ZNF683: variants seen among roughly 807,000 people sequenced by gnomAD.
ZNF683 encodes zinc finger protein 683.
In ZNF683, 20 loss-of-function variants were observed where a neutral mutation model predicts 31.4. That is an observed-to-expected ratio of 0.64 (90% confidence interval 0.45 to 0.93). The LOEUF (loss-of-function observed/expected upper bound fraction) is 0.93, where lower values mean the gene tolerates loss of function less well. ZNF683 is among the 40% of genes least tolerant of loss of function. The pLI is 0.00. For missense variants in ZNF683, 621 were observed against 637.2 expected (o/e 0.97, Z 0.27); for synonymous variants, 264 against 267.6 (o/e 0.99, Z 0.13).
chr1:26,364,448 G>A (rs773422772), intron 4 of ZNF683, 84 bp downstream of exon 4: 1 of 1,509,482 alleles, frequency 6.6e-7, no homozygotes, highest in Non-Finnish European at 9.1e-7. Context: ...TAGCTTTGAG[G>A]TCCTTGCTTC....
chr1:26,364,552 C>G lies in ZNF683; in HGVS notation c.994G>C (p.Gly332Arg). 1.9e-6 allele frequency: 3 copies of G among 1,613,884 alleles called. No individual in the cohort carries two copies. In the South Asian group the frequency reaches 3.3e-5, roughly 18 times the overall value. Residue 332 changes from glycine (G) to arginine (R), a missense_variant, in exon 4 of 6, where the codon GGG becomes CGG. Coordinates refer to ENST00000349618, the MANE Select transcript of ZNF683 (RefSeq NM_001114759.3). ...GATACCTTGAGATTGGAGAGCTGCC[C>G]AAAGCTCTTGCCACATATGTTGCAC... ...YECNICGKSF[G>R]QLSNLKVHLR...
At chr1:26,373,569 C>T (rs982031546), upstream of ZNF683, among the ~76,000 whole-genome samples, 3 of 152,072 alleles carry the variant, frequency 2.0e-5, no homozygotes, top group Admixed American at 1.3e-4. Flanking sequence ...GATATTTGGC[C>T]ATGGTCCTGT....
At chr1:26,364,069 T>G (rs528960443) in intron 4 of ZNF683, among the ~76,000 whole-genome samples, 2 of 152,334 alleles carry the variant, frequency 1.3e-5, no homozygotes, top group South Asian at 2.1e-4. Flanking sequence ...GGGATCCCAC[T>G]TGAAAAAGGT....
At chr1:26,366,342 CA>C (rs1173737722) in intron 3 of ZNF683, among the ~76,000 whole-genome samples, 4,925 of 68,796 alleles carry the variant, frequency 0.072, 62 homozygotes, top group African/African-American at 0.12. Context: ...CAGCCTATCT[CA>C]AAAAAAAAAA....
At position 26,361,845 on chromosome 1, in the gene ZNF683, G is replaced by A. The variant is rs1236205016; in HGVS notation, c.1321C>T (p.Pro441Ser). ...QPCGLVHTQL[P>S]LASLACLAQW... ...GCAAGGCAGGCCAGAGAGGCCAGGG[G>A]CAGCTGGGTGTGCACCAGGCCACAG... Residue 441 changes from proline (P) to serine (S), a missense_variant, in exon 6 of 6, where the codon CCC becomes TCC. Pro to Ser is a moderately conservative substitution (Grantham distance 74). Transcript: ENST00000349618. 8 of 1,614,036 alleles carry A rather than the reference G, an allele frequency of 5.0e-6. No individual in the cohort carries two copies. The highest frequency in any genetic ancestry group is 1.7e-4 in the Middle Eastern group (1 of 6,060).
At position 26,363,063 on chromosome 1, in the gene ZNF683, T is replaced by C. The variant is rs745467219; in HGVS notation, c.1106A>G (p.His369Arg). Reference protein sequence around the residue: ...FTQLAHLQKHHLVHTGERPHK... With the variant: ...FTQLAHLQKHRLVHTGERPHK... ...GGGCCGCTCCCCAGTGTGCACCAGGTGGTGCTTCTGCAGGTGGGCAAGTTG... is the reference window on the plus strand; with the variant it reads ...GGGCCGCTCCCCAGTGTGCACCAGGCGGTGCTTCTGCAGGTGGGCAAGTTG... The change falls in exon 5 of 6, where the codon CAC becomes CGC. Residue 369 changes from histidine to arginine, a missense_variant. Physicochemically the swap from His to Arg is conservative, Grantham distance 29. Coordinates refer to ENST00000349618, the MANE Select transcript of ZNF683 (RefSeq NM_001114759.3). 6.2e-7 allele frequency: 1 copy of C among 1,612,366 alleles called. No homozygotes were observed. The highest frequency in any genetic ancestry group is 2.2e-5 in the East Asian group (1 of 44,840).
intron 4 of ZNF683, among the ~76,000 whole-genome samples, chr1:26,363,724 G>A (rs1422716829): frequency 1.5e-5 from 2 of 133,450 alleles, no homozygotes; most frequent in Non-Finnish European, 3.1e-5. Flanking sequence ...GCGACAGAAT[G>A]AGACTCCATA....
chr1:26,362,245 T>G (rs2124111274), intron 5 of ZNF683: 1 of 1,476,310 alleles, frequency 6.8e-7, no homozygotes, highest in Admixed American at 2.0e-5. Flanking sequence ...TAAAAGTAAC[T>G]TCTCCTCTCT....
intron 4 of ZNF683, 143 bp from the exon 5 acceptor site, chr1:26,363,297 C>G (rs2124122088): frequency 8.7e-7 from 1 of 1,152,788 alleles, no homozygotes. Flanking sequence ...TCTACTCTTT[C>G]TGCTGCCCTG....
upstream of ZNF683, chr1:26,374,459 TG>T: frequency 6.1e-6 from 7 of 1,148,148 alleles, no homozygotes; most frequent in Non-Finnish European, 7.8e-6. Context: ...GGAGGTGGGC[TG>T]AGGACAGACT....
intron 1 of ZNF683, 24 bp downstream of exon 1, chr1:26,372,645 C>T: frequency 7.7e-7 from 1 of 1,303,654 alleles, no homozygotes; most frequent in South Asian, 1.2e-5. Context: ...ACTACTTCCC[C>T]TCTATCCGCA....
At chr1:26,368,334 G>A (rs2074579855) in intron 2 of ZNF683, 124 bp downstream of exon 2, 7 of 1,204,738 alleles carry the variant, frequency 5.8e-6, no homozygotes, top group Non-Finnish European at 4.4e-6. Flanking sequence ...ATGTGCCTGG[G>A]ATAGGGGGTG....
chr1:26,368,753 G>A (rs569351784), intron 1 of ZNF683, among the ~76,000 whole-genome samples, 168 bp from the exon 2 acceptor site: 9 of 152,210 alleles, frequency 5.9e-5, no homozygotes, highest in African/African-American at 1.4e-4. Context: ...TAGTTGATGC[G>A]TAAGGATTCT....
chr1:26,371,386 G>A (rs1437007835), intron 1 of ZNF683, among the ~76,000 whole-genome samples: 1 of 152,016 alleles, frequency 6.6e-6, no homozygotes, highest in Admixed American at 6.6e-5. Context: ...CATCTCTTGA[G>A]CCCAGGAGTT....
At position 26,364,700 on chromosome 1, in the gene ZNF683, G is replaced by A. The variant is rs955970000; in HGVS notation, c.846C>T (p.Asp282=). ...TGCCACCACGCTCCAGGCCTGGGGA[G>A]TCGGTTGGGGCAGCTCCAGCACCTG... ...RNPGAGAAPT[D]SPGLERGGMA... Residue 282 remains aspartate (D), a synonymous_variant, in exon 4 of 6, where the codon GAC becomes GAT. Transcript: ENST00000349618. 2 of 1,613,846 alleles carry A rather than the reference G, an allele frequency of 1.2e-6. No individual in the cohort carries two copies. Among genetic ancestry groups the A allele is most frequent in the African/African-American group, 2.7e-5 (2 of 74,930 alleles).
rs1334567118 is a variant in ZNF683, at chr1:26,368,316, T to C, written c.114+142A>G. 2.9e-6 allele frequency: 3 copies of C among 1,032,706 alleles called. No individual in the cohort carries two copies. In the African/African-American group the frequency reaches 5.0e-5, roughly 17 times the overall value. The allele number at this position is 1,032,706 out of a possible 1,614,324, so 64.0% of individuals were successfully genotyped here. On this transcript the variant is annotated intron_variant, in intron 2 of 5. Coordinates refer to ENST00000349618, the MANE Select transcript of ZNF683 (RefSeq NM_001114759.3). ...GGGTGTCTGGCTCCTCAAAGAAACA[T>C]CCCTATGATGTGCCTGGGATAGGGG...
At chr1:26,370,038 C>T (rs1376814524) in intron 1 of ZNF683, among the ~76,000 whole-genome samples, 1 of 152,080 alleles carries the variant, frequency 6.6e-6, no homozygotes, top group East Asian at 1.9e-4. Flanking sequence ...ATTAGCCAAT[C>T]AGAAGTGAAG....
In ZNF683 at chr1:26,364,814, C is replaced by T. The variant is rs766285862; in HGVS notation, c.732G>A (p.Gly244=). Reference sequence around the variant, plus strand: ...GGGTCTCCCACCGAGCGCTGGGGTGCCCCAGCTCATTGACCATCATCAGCA... The same window carrying T: ...GGGTCTCCCACCGAGCGCTGGGGTGTCCCAGCTCATTGACCATCATCAGCA... ...PSLLMMVNEL[G]HPSARWETLL... Residue 244 remains glycine (G), a synonymous_variant, in exon 4 of 6, where the codon GGG becomes GGA. Coordinates refer to ENST00000349618, the MANE Select transcript of ZNF683 (RefSeq NM_001114759.3). 1.6e-6 allele frequency: 2 copies of T among 1,278,774 alleles called. No individual in the cohort carries two copies. Among genetic ancestry groups the T allele is most frequent in the Admixed American group, 2.0e-5 (1 of 49,302 alleles). The allele number at this position is 1,278,774 out of a possible 1,614,324, so 79.2% of individuals were successfully genotyped here.
chr1:26,364,650 G>T lies in ZNF683; in HGVS notation c.896C>A (p.Pro299Gln). ...TGCGGTGCCTGTCTGGGAACTCAAT[G>T]GGACCCGCTTTGCTGGAGATGCCAT... ...GGMASPAKRVPLSSQTGTAAL... is the reference protein window; with the variant it reads ...GGMASPAKRVQLSSQTGTAAL... Residue 299 changes from proline (P) to glutamine (Q), a missense_variant, in exon 4 of 6, where the codon CCA (proline) becomes CAA (glutamine). Physicochemically the swap from Pro to Gln is moderately conservative, Grantham distance 76. Coordinates refer to ENST00000349618, the MANE Select transcript of ZNF683 (RefSeq NM_001114759.3). 6.2e-7 allele frequency: 1 copy of T among 1,613,998 alleles called. No homozygotes were observed.
Sources: gnomAD v4.1 joint callset for allele counts (sites outside exome capture counted in the v4.1 genomes callset) on GRCh38, gnomAD v4.1.1 for gene constraint, MANE v1.5 for transcripts, NCBI Gene and HGNC (gene_info 2026-07-23, HGNC 2026-07-21) for gene names.